Variants in GARIN2 observed in about 807,000 individuals in gnomAD.
GARIN2 encodes the protein Golgi-associated RAB2 interactor protein 2.
chr14:67,219,345 C>T, the GARIN2 span, among the ~76,000 whole-genome samples: 1 of 152,188 alleles, frequency 6.6e-6, no homozygotes, highest in Non-Finnish European at 1.5e-5. Context: ...ATATAGGTGC[C>T]TCCACACTAC....
chr14:67,193,788 A>G, the GARIN2 span, among the ~76,000 whole-genome samples: 155 of 149,264 alleles, frequency 1.0e-3, no homozygotes, highest in African/African-American at 3.6e-3. Context: ...ACAAAAAAAA[A>G]AAAAAAATTA....
At chr14:67,213,483 A>G in the GARIN2 span, among the ~76,000 whole-genome samples, 25 of 151,218 alleles carry the variant, frequency 1.7e-4, no homozygotes, top group African/African-American at 5.8e-4. Flanking sequence ...GTCCCTACAA[A>G]GGACATGAAC....
At chr14:67,210,163 G>A in the GARIN2 span, among the ~76,000 whole-genome samples, 1 of 152,164 alleles carries the variant, frequency 6.6e-6, no homozygotes. Flanking sequence ...TTTGAATGTA[G>A]CGTTTCATAT....
chr14:67,227,557 A>G, the GARIN2 span: 1 of 152,260 alleles, frequency 6.6e-6, no homozygotes, highest in East Asian at 1.9e-4. Flanking sequence ...AGTTACTAAT[A>G]CAGACTTCAT....
chr14:67,199,032 C>A, the GARIN2 span: 1 of 724,818 alleles, frequency 1.4e-6, no homozygotes, highest in Non-Finnish European at 2.5e-6. Context: ...CTTCAAAAGG[C>A]AAGAAGAGGA....
chr14:67,213,265 T>C, the GARIN2 span, among the ~76,000 whole-genome samples: 7 of 149,914 alleles, frequency 4.7e-5, no homozygotes, highest in Middle Eastern at 3.4e-3. Context: ...CTGCACCCAT[T>C]AACTCGTCAT....
chr14:67,201,628 C>T, the GARIN2 span: 1 of 430,826 alleles, frequency 2.3e-6, no homozygotes, highest in South Asian at 1.7e-5. Context: ...TGGAGTGGAA[C>T]CACCACTACC....
chr14:67,207,611 T>A, the GARIN2 span, among the ~76,000 whole-genome samples: 22 of 152,090 alleles, frequency 1.4e-4, no homozygotes, highest in Non-Finnish European at 2.6e-4. Flanking sequence ...ATGAAGGACA[T>A]TAGAAAGTTG....
the GARIN2 span, among the ~76,000 whole-genome samples, chr14:67,212,401 A>G: frequency 5.9e-5 from 9 of 151,728 alleles, no homozygotes; most frequent in Non-Finnish European, 2.9e-5. Context: ...CAGCCTGGGC[A>G]ACATTGCAAA....
the GARIN2 span, among the ~76,000 whole-genome samples, chr14:67,220,362 G>T: frequency 6.6e-6 from 1 of 152,056 alleles, no homozygotes; most frequent in Non-Finnish European, 1.5e-5. Flanking sequence ...GGGATTGCTT[G>T]AGCTGGGAGG....
At chr14:67,206,812 C>T in the GARIN2 span, among the ~76,000 whole-genome samples, 5 of 150,366 alleles carry the variant, frequency 3.3e-5, no homozygotes, top group Non-Finnish European at 1.5e-5. Flanking sequence ...CTCACTGCAA[C>T]CTCCACCTCT....
At chr14:67,193,779 CAA>C in the GARIN2 span, among the ~76,000 whole-genome samples, 6 of 88,818 alleles carry the variant, frequency 6.8e-5, no homozygotes, top group Non-Finnish European at 7.2e-5. Context: ...CCAATTTCTA[CAA>C]AAAAAAAAAA....
chr14:67,215,845 T>G, the GARIN2 span, among the ~76,000 whole-genome samples: 1 of 152,280 alleles, frequency 6.6e-6, no homozygotes, highest in South Asian at 2.1e-4. Context: ...AACCCTTGTC[T>G]AACACTTCAA....
At chr14:67,223,547 G>A in the GARIN2 span, among the ~76,000 whole-genome samples, 2 of 152,170 alleles carry the variant, frequency 1.3e-5, no homozygotes, top group African/African-American at 2.4e-5. Flanking sequence ...ATGGGGCTTT[G>A]GAAATCAGGA....
chr14:67,199,786 C>T, the GARIN2 span: 909 of 1,527,082 alleles, frequency 6.0e-4, 1 homozygote, highest in Non-Finnish European at 7.5e-4. Flanking sequence ...CTCCTGGCTC[C>T]TTCCCACCCC....
the GARIN2 span, chr14:67,198,229 C>G: frequency 6.2e-7 from 1 of 1,613,938 alleles, no homozygotes. Flanking sequence ...ACCCCACACT[C>G]CCATGATCCG....
the GARIN2 span, among the ~76,000 whole-genome samples, chr14:67,217,951 A>G: frequency 1.3e-5 from 2 of 152,126 alleles, no homozygotes; most frequent in African/African-American, 2.4e-5. Flanking sequence ...ACTTATTTAT[A>G]TGAATGGGTC....
the GARIN2 span, among the ~76,000 whole-genome samples, chr14:67,216,914 G>A: frequency 2.0e-5 from 3 of 152,156 alleles, no homozygotes; most frequent in Non-Finnish European, 4.4e-5. Flanking sequence ...TTCTATAAAT[G>A]TCTGTTAAGT....
chr14:67,193,387 CTAGATATAT>C, the GARIN2 span, among the ~76,000 whole-genome samples: 1 of 136,550 alleles, frequency 7.3e-6, no homozygotes, highest in Non-Finnish European at 1.6e-5. Context: ...CTAGATATAT[CTAGATATAT>C]CTAGATATAT....
Sources: allele counts gnomAD v4.1 joint callset (sites outside exome capture counted in the v4.1 genomes callset), GRCh38; gene constraint gnomAD v4.1.1; transcripts MANE v1.5; gene names NCBI Gene and HGNC (gene_info 2026-07-23, HGNC 2026-07-21).